The following FAM227B variants were observed in gnomAD, a reference collection of about 807,000 sequenced individuals.
FAM227B encodes protein FAM227B.
A neutral mutation model predicts 73.8 loss-of-function variants in FAM227B; 88 were observed. That is an observed-to-expected ratio of 1.19 (90% CI 1.00 to 1.42). FAM227B has a LOEUF of 1.42. Among genes scored for constraint, FAM227B ranks in the 40% most tolerant of loss-of-function variants. FAM227B has a pLI of 0.00. For missense variants in FAM227B, 632 were observed against 590.9 expected (o/e 1.07, Z -0.72); for synonymous variants, 210 against 190.5 (o/e 1.10, Z -0.84).
chr15:49,424,166 A>T, intron 11 of FAM227B: 1 of 769,616 alleles, frequency 1.3e-6, no homozygotes, highest in South Asian at 2.1e-5. Context: ...AACAATTTGG[A>T]AAGAGCAACT....
chr15:49,389,595 C>A (rs1311521254), intron 11 of FAM227B, among the ~76,000 whole-genome samples: 1 of 144,682 alleles, frequency 6.9e-6, no homozygotes, highest in East Asian at 1.9e-4. Flanking sequence ...TGTAATTCAT[C>A]CATCCATGTA....
At chr15:49,601,201 C>T (rs188960566) in intron 3 of FAM227B, among the ~76,000 whole-genome samples, 58 of 150,496 alleles carry the variant, frequency 3.9e-4, no homozygotes, top group African/African-American at 1.4e-3. Flanking sequence ...TCATTCTCTT[C>T]TTCCTCTATT....
intron 5 of FAM227B, among the ~76,000 whole-genome samples, chr15:49,587,650 T>C (rs777388015): frequency 6.6e-5 from 10 of 152,078 alleles, no homozygotes; most frequent in African/African-American, 9.6e-5. Context: ...ATCTCAAAAA[T>C]ATTTTTTAAA....
At chr15:49,458,825 G>C (rs970022200) in intron 11 of FAM227B, among the ~76,000 whole-genome samples, 3 of 152,078 alleles carry the variant, frequency 2.0e-5, no homozygotes, top group Admixed American at 6.6e-5. Flanking sequence ...TCTTGCAGAT[G>C]AATTCAAAGT....
chr15:49,524,447 T>C (rs1360650510), intron 10 of FAM227B, among the ~76,000 whole-genome samples: 1 of 152,152 alleles, frequency 6.6e-6, no homozygotes, highest in Non-Finnish European at 1.5e-5. Flanking sequence ...ATAGGATGTA[T>C]GGAAATGCCT....
rs1337677422 is a variant in FAM227B, at chr15:49,589,770, G to C, written c.337+6C>G. On this transcript the variant is annotated splice_donor_region_variant and intron_variant, in intron 4 of 15. Coordinates refer to ENST00000299338, the MANE Select transcript of FAM227B (RefSeq NM_152647.3). ...TCTATAAAAGATAAAAATAAATAAG[G>C]CTCACTTGTCTCAGAAATCATGCTT... 2 of 1,500,126 alleles carry C rather than the reference G, an allele frequency of 1.3e-6. No homozygotes were observed. The highest frequency in any genetic ancestry group is 2.3e-5 in the East Asian group (1 of 44,242). 92.9% of individuals were successfully genotyped at this position (1,500,126 alleles called of 1,614,324 possible).
chr15:49,477,540 T>A (rs2055456859), intron 11 of FAM227B, among the ~76,000 whole-genome samples: 1 of 152,220 alleles, frequency 6.6e-6, no homozygotes, highest in South Asian at 2.1e-4. Context: ...TAAATAATAT[T>A]CCAGTGTATA....
At chr15:49,332,955 C>T (rs533605771) in intron 14 of FAM227B, among the ~76,000 whole-genome samples, 94 of 151,990 alleles carry the variant, frequency 6.2e-4, no homozygotes, top group African/African-American at 2.2e-3. Flanking sequence ...GAGTTTCCTC[C>T]TTGCTGATTG....
intron 3 of FAM227B, among the ~76,000 whole-genome samples, chr15:49,598,941 G>A (rs1184096528): frequency 1.3e-5 from 2 of 151,966 alleles, no homozygotes; most frequent in Non-Finnish European, 2.9e-5. Flanking sequence ...TAGTATCAGG[G>A]TAACCCTAGC....
intron 15 of FAM227B, chr15:49,329,212 T>C: frequency 2.0e-6 from 2 of 986,576 alleles, no homozygotes; most frequent in Non-Finnish European, 2.4e-6. Flanking sequence ...CTGGGATTTG[T>C]AATGGTATTG....
intron 13 of FAM227B, among the ~76,000 whole-genome samples, chr15:49,364,648 T>C (rs1374899405): frequency 6.6e-6 from 1 of 152,182 alleles, no homozygotes; most frequent in African/African-American, 2.4e-5. Context: ...ATTTCTAACC[T>C]CTGCAGTGAT....
chr15:49,534,982 G>GA (rs902433539), intron 10 of FAM227B, among the ~76,000 whole-genome samples: 8 of 151,020 alleles, frequency 5.3e-5, no homozygotes, highest in South Asian at 4.2e-4. Flanking sequence ...ATGCCTATAT[G>GA]AAAAAAAATC....
chr15:49,390,563 C>T (rs1257119660), intron 11 of FAM227B, among the ~76,000 whole-genome samples: 3 of 151,902 alleles, frequency 2.0e-5, no homozygotes, highest in Non-Finnish European at 4.4e-5. Context: ...AATTCATGGG[C>T]CAAGTCTAGC....
intron 11 of FAM227B, among the ~76,000 whole-genome samples, 174 bp downstream of exon 11, chr15:49,508,037 C>T (rs560367375): frequency 6.6e-6 from 1 of 152,126 alleles, no homozygotes; most frequent in East Asian, 1.9e-4. Context: ...TATTTTGTAA[C>T]AGGCAAATGG....
chr15:49,328,280 C>G lies in FAM227B; in HGVS notation c.*288G>C. 2.8e-6 allele frequency: 4 copies of G among 1,442,056 alleles called. No homozygotes were observed. Among genetic ancestry groups the G allele is most frequent in the Non-Finnish European group, 3.6e-6 (4 of 1,098,800 alleles). 89.3% of individuals were successfully genotyped at this position (1,442,056 alleles called of 1,614,324 possible). A position where few individuals can be genotyped will look rare whatever the true frequency, so the allele number is the denominator to read the frequency against. Reference sequence around the variant, plus strand: ...TTATGATGAACGGTTGCTATTATATCAAGATATATTTTCAAAGAAATGGTT... The same window carrying G: ...TTATGATGAACGGTTGCTATTATATGAAGATATATTTTCAAAGAAATGGTT... On this transcript the variant is annotated 3_prime_UTR_variant, in exon 16 of 16. Transcript: ENST00000299338.
At chr15:49,372,425 G>A (rs1457831085) in intron 11 of FAM227B, among the ~76,000 whole-genome samples, 6 of 152,150 alleles carry the variant, frequency 3.9e-5, no homozygotes, top group Non-Finnish European at 1.5e-5. Context: ...GTAGTAGAAG[G>A]AGAGGACATA....
chr15:49,521,092 A>G (rs913350402), intron 10 of FAM227B, among the ~76,000 whole-genome samples: 1 of 152,122 alleles, frequency 6.6e-6, no homozygotes, highest in African/African-American at 2.4e-5. Flanking sequence ...GCTCCCCTCA[A>G]ACCTGAATTG....
chr15:49,409,046 T>C (rs116303521), intron 11 of FAM227B, among the ~76,000 whole-genome samples: 130 of 152,352 alleles, frequency 8.5e-4, no homozygotes, highest in African/African-American at 3.0e-3. Context: ...ATCTTTCTTC[T>C]TTTCTGCAAA....
At chr15:49,334,173 A>G in intron 14 of FAM227B, 1 of 798,008 alleles carries the variant, frequency 1.3e-6, no homozygotes, top group Non-Finnish European at 1.5e-6. Flanking sequence ...CATCTCTTCA[A>G]TTAAAGATGA....
Sources: gnomAD v4.1 joint callset for allele counts (sites outside exome capture counted in the v4.1 genomes callset) on GRCh38, gnomAD v4.1.1 for gene constraint, MANE v1.5 for transcripts, NCBI Gene and HGNC (gene_info 2026-07-23, HGNC 2026-07-21) for gene names.